ACSL4: variants seen among roughly 807,000 people sequenced by gnomAD.
ACSL4 encodes acyl-CoA synthetase long chain family member 4.
ACSL4 carries 9 observed loss-of-function variants against 49.1 expected under a neutral mutation model. The ratio of observed to expected loss-of-function variants is 0.18; its 90% CI spans 0.11 to 0.32. The LOEUF (loss-of-function observed/expected upper bound fraction) is 0.32. Among genes scored for constraint, ACSL4 ranks in the 10% least tolerant of loss-of-function variants. The pLI, the probability that ACSL4 is intolerant of heterozygous loss-of-function variation, is 1.00. For synonymous variants in ACSL4, 191 were observed against 170.3 expected (o/e 1.12, Z -0.95); for missense variants, 333 against 493.7 (o/e 0.67, Z 3.08).
Position 109,656,963 on chromosome X carries a change from C to T in ACSL4, c.1855+2391G>A, listed in dbSNP as rs1261213377. Reference sequence around the variant, plus strand: ...AGTGGTCTGCATGGGCATTGCTCTCCTGGCATCTTGCCAATCATGCTTCCC... The same window carrying T: ...AGTGGTCTGCATGGGCATTGCTCTCTTGGCATCTTGCCAATCATGCTTCCC... On this transcript the variant is annotated intron_variant, in intron 15 of 15. Transcript: ENST00000672401. 3.6e-5 allele frequency among the ~76,000 whole-genome samples: 4 copies of T among 111,593 alleles called. No individual in the cohort carries two copies. The Admixed American group carries it at 3.8e-4, about 11-fold the overall frequency.
chrX:109,654,694 G>C (rs1921475144), intron 15 of ACSL4, among the ~76,000 whole-genome samples: 1 of 112,106 alleles, frequency 8.9e-6, no homozygotes, highest in Admixed American at 9.4e-5. Flanking sequence ...TGCCCTCATA[G>C]TAGAGCCCGG....
chrX:109,672,079 T>TAAAAAAA (rs764711316), intron 9 of ACSL4, among the ~76,000 whole-genome samples: 30 of 37,359 alleles, frequency 8.0e-4, no homozygotes, highest in Non-Finnish European at 1.2e-3. Context: ...CAATAAATAC[T>TAAAAAAA]AAAAAAAAAA....
intron 1 of ACSL4, among the ~76,000 whole-genome samples, chrX:109,717,827 T>C (rs763568367): frequency 7.8e-4 from 82 of 104,465 alleles, no homozygotes; most frequent in African/African-American, 2.4e-3. Flanking sequence ...GTGGTAGATA[T>C]CGTGAAAATT....
intron 2 of ACSL4, among the ~76,000 whole-genome samples, chrX:109,693,826 C>G (rs1925222377): frequency 8.9e-6 from 1 of 111,984 alleles, no homozygotes; most frequent in African/African-American, 3.2e-5. Flanking sequence ...CATGCCAGTG[C>G]TTCTGGTAAC....
chrX:109,712,419 C>T (rs777796583), intron 1 of ACSL4, among the ~76,000 whole-genome samples: 3 of 112,025 alleles, frequency 2.7e-5, no homozygotes, highest in Non-Finnish European at 3.8e-5. Flanking sequence ...CATATTCTGA[C>T]CAAGTACAAA....
At chrX:109,655,351 A>G (rs1388673122) in intron 15 of ACSL4, among the ~76,000 whole-genome samples, 5 of 111,776 alleles carry the variant, frequency 4.5e-5, no homozygotes, top group Non-Finnish European at 9.4e-5. Flanking sequence ...GTGCTATTAA[A>G]AGGAACACTG....
At position 109,659,371 on chromosome X, in the gene ACSL4, C is replaced by A. The variant is rs892888627; in HGVS notation, c.1838G>T (p.Arg613Leu). The A allele has an allele frequency of 1.7e-6, 2 of 1,209,676 alleles. No homozygotes were observed. The highest frequency in any genetic ancestry group is 2.2e-6 in the Non-Finnish European group (2 of 894,162). Reference sequence around the variant, plus strand: ...TTACTTACTGGCATTTGCAGCTTCTCGAATTTCTTTCAGTATTTCAGCTTC... The same window carrying A: ...TTACTTACTGGCATTTGCAGCTTCTAGAATTTCTTTCAGTATTTCAGCTTC... ...AMEAEILKEI[R>L]EAANAMKLER... Residue 613 changes from arginine to leucine, a missense_variant, in exon 15 of 16, where the codon CGA becomes CTA. Transcript: ENST00000672401.
At chrX:109,646,791 GA>G (rs1231755327) in intron 15 of ACSL4, among the ~76,000 whole-genome samples, 1 of 110,168 alleles carries the variant, frequency 9.1e-6, no homozygotes, top group African/African-American at 3.3e-5. Context: ...CACGTGCAGA[GA>G]CACACATAGG....
chrX:109,723,860 G>C lies in ACSL4; in HGVS notation c.-66+9279C>G, dbSNP rs965894780. On this transcript the variant is annotated intron_variant, in intron 1 of 15. Coordinates refer to ENST00000672401, the MANE Select transcript of ACSL4 (RefSeq NM_001318510.2). Reference sequence around the variant, plus strand: ...TAACAGTGTATGCAAATGCCTATTTGTTAAAAGTGGATATTAAGTTCTTGC... The same window carrying C: ...TAACAGTGTATGCAAATGCCTATTTCTTAAAAGTGGATATTAAGTTCTTGC... Among the ~76,000 whole-genome samples the C allele has an allele frequency of 1.2e-4, 13 of 112,564 alleles. 3 individuals are homozygous for C. The highest frequency in any genetic ancestry group is 1.1e-3 in the South Asian group (3 of 2,746).
chrX:109,647,381 G>A (rs1381339942), intron 15 of ACSL4, among the ~76,000 whole-genome samples: 2 of 111,480 alleles, frequency 1.8e-5, no homozygotes, highest in East Asian at 2.8e-4. Flanking sequence ...ACTCAAAACC[G>A]GTCAACTACA....
chrX:109,731,710 T>C (rs890012356), intron 1 of ACSL4, among the ~76,000 whole-genome samples: 2 of 111,564 alleles, frequency 1.8e-5, no homozygotes, highest in African/African-American at 6.5e-5. Context: ...AAGGTACAAG[T>C]ATACTAACAG....
intron 2 of ACSL4, among the ~76,000 whole-genome samples, chrX:109,684,122 A>T (rs1302542839): frequency 1.8e-5 from 2 of 111,984 alleles, no homozygotes; most frequent in Non-Finnish European, 3.8e-5. Flanking sequence ...GGGGTGGGGC[A>T]GAAACTATCA....
At chrX:109,727,752 C>G (rs1928128001) in intron 1 of ACSL4, among the ~76,000 whole-genome samples, 1 of 107,911 alleles carries the variant, frequency 9.3e-6, no homozygotes, top group African/African-American at 3.4e-5. Flanking sequence ...GGGGTCAGCA[C>G]TTTTTCTGTA....
chrX:109,718,318 T>C (rs1603411682), intron 1 of ACSL4, among the ~76,000 whole-genome samples: 1 of 112,547 alleles, frequency 8.9e-6, no homozygotes, highest in Non-Finnish European at 1.9e-5. Context: ...ACTGAAGTCA[T>C]TAAGTACCAT....
chrX:109,710,146 C>A (rs904641287), intron 1 of ACSL4, among the ~76,000 whole-genome samples: 1 of 112,068 alleles, frequency 8.9e-6, no homozygotes, highest in African/African-American at 3.2e-5. Context: ...ACACATTTCC[C>A]AGCTTTCTGA....
At chrX:109,708,983 T>C (rs1203585289) in intron 1 of ACSL4, among the ~76,000 whole-genome samples, 2 of 111,801 alleles carry the variant, frequency 1.8e-5, no homozygotes, top group African/African-American at 3.3e-5. Flanking sequence ...CAGATGAAAG[T>C]ATAAATTTCT....
intron 2 of ACSL4, among the ~76,000 whole-genome samples, chrX:109,684,939 G>T (rs371499524): frequency 9.0e-6 from 1 of 111,025 alleles, no homozygotes; most frequent in Admixed American, 9.6e-5. Context: ...GACTAAATAC[G>T]CTACGGTAGT....
At chrX:109,700,113 C>A (rs1464326136) in intron 1 of ACSL4, among the ~76,000 whole-genome samples, 1 of 101,365 alleles carries the variant, frequency 9.9e-6, no homozygotes, top group Admixed American at 1.2e-4. Context: ...GAGGCTGAGG[C>A]AGGAGAACTA....
chrX:109,732,656 G>T (rs1165389256), intron 1 of ACSL4, among the ~76,000 whole-genome samples: 1 of 111,685 alleles, frequency 9.0e-6, no homozygotes, highest in South Asian at 3.8e-4. Flanking sequence ...CCTCAAATTC[G>T]AGAGGGCGGA....
Sources: allele counts gnomAD v4.1 joint callset (sites outside exome capture counted in the v4.1 genomes callset), GRCh38; gene constraint gnomAD v4.1.1; transcripts MANE v1.5; gene names NCBI Gene and HGNC (gene_info 2026-07-23, HGNC 2026-07-21).